EEF1AKMT2: variants seen among roughly 807,000 people sequenced by gnomAD.
EEF1AKMT2 encodes the protein EEF1A lysine methyltransferase 2.
In EEF1AKMT2, 32 loss-of-function variants were observed where a neutral mutation model predicts 35.8. The ratio of observed to expected loss-of-function variants is 0.89; its 90% CI spans 0.67 to 1.20. EEF1AKMT2 has a LOEUF of 1.20. EEF1AKMT2 is among the 50% of genes most tolerant of loss of function. EEF1AKMT2 has a pLI of 0.00. For synonymous variants in EEF1AKMT2, 121 were observed against 133.7 expected, an observed-to-expected ratio of 0.91 and a Z score of 0.65; for missense variants, 330 against 347.5, an observed-to-expected ratio of 0.95 and a Z score of 0.40.
chr10:124,789,241 G>T (rs951169028), intron 2 of EEF1AKMT2, 84 bp from the exon 3 acceptor site: 2 of 812,104 alleles, frequency 2.5e-6, no homozygotes, highest in Non-Finnish European at 3.9e-6. Context: ...TATACCATAT[G>T]CTCAAACTCT....
At chr10:124,762,157 G>A (rs899384374) in intron 6 of EEF1AKMT2, 143 bp downstream of exon 6, 20 of 512,944 alleles carry the variant, frequency 3.9e-5, no homozygotes, top group African/African-American at 3.9e-4. Context: ...AGCTACTAAC[G>A]CCAATGCGCC....
chr10:124,766,649 G>A (rs796460590), intron 4 of EEF1AKMT2, among the ~76,000 whole-genome samples: 2 of 152,236 alleles, frequency 1.3e-5, no homozygotes, highest in African/African-American at 4.8e-5. Context: ...ACTTAAAAAT[G>A]TATATATTAT....
At chr10:124,791,005 C>T (rs557762125) in intron 1 of EEF1AKMT2, among the ~76,000 whole-genome samples, 7 of 152,176 alleles carry the variant, frequency 4.6e-5, no homozygotes, top group African/African-American at 1.7e-4. Context: ...CCTTGTGCTC[C>T]GCCCGCCTCG....
intron 3 of EEF1AKMT2, among the ~76,000 whole-genome samples, chr10:124,785,246 C>CAAAAAAAA (rs35915292): frequency 1.1e-4 from 7 of 61,398 alleles, no homozygotes; most frequent in African/African-American, 2.2e-4. Context: ...GACTCCGTCT[C>CAAAAAAAA]AAAAAAAAAA....
intron 3 of EEF1AKMT2, among the ~76,000 whole-genome samples, chr10:124,778,197 TACAC>T (rs34968256): frequency 4.0e-4 from 60 of 150,344 alleles, no homozygotes; most frequent in African/African-American, 1.4e-3. Flanking sequence ...AGTCTATACA[TACAC>T]ACACACACAC....
intron 6 of EEF1AKMT2, among the ~76,000 whole-genome samples, chr10:124,760,869 G>C (rs965222853): frequency 1.2e-4 from 19 of 152,124 alleles, no homozygotes; most frequent in African/African-American, 4.6e-4. Context: ...GAGTTTTTTT[G>C]TTTGTTTGTT....
Position 124,786,175 on chromosome 10 carries a change from C to T in EEF1AKMT2, c.291+2868G>A, listed in dbSNP as rs369039158. Among the ~76,000 whole-genome samples the T allele has an allele frequency of 2.0e-5, 3 of 151,828 alleles. No homozygotes were observed. The East Asian group carries it at 5.8e-4, about 29-fold the overall frequency. On this transcript the variant is annotated intron_variant, in intron 3 of 6. Transcript: ENST00000368836. ...ATAACACAAGGGGTTCATTTTGTAC[C>T]ACTTATGCTCACCTTTCTACATAAA...
At chr10:124,777,279 C>CAA (rs768724237) in intron 3 of EEF1AKMT2, among the ~76,000 whole-genome samples, 5 of 62,778 alleles carry the variant, frequency 8.0e-5, no homozygotes, top group South Asian at 5.6e-4. Flanking sequence ...AACTCTGACT[C>CAA]AAAAAAAAAA....
chr10:124,781,981 A>G (rs1950543890), intron 3 of EEF1AKMT2, among the ~76,000 whole-genome samples: 1 of 152,302 alleles, frequency 6.6e-6, no homozygotes, highest in East Asian at 1.9e-4. Flanking sequence ...ATAGTGGTAA[A>G]ATACTGATTC....
At chr10:124,763,447 G>C (rs1019943652) in intron 5 of EEF1AKMT2, among the ~76,000 whole-genome samples, 3 of 152,168 alleles carry the variant, frequency 2.0e-5, no homozygotes, top group African/African-American at 7.2e-5. Context: ...TGAGTAGTCA[G>C]GAACAAGACC....
At chr10:124,789,683 A>G (rs1319420298) in intron 2 of EEF1AKMT2, among the ~76,000 whole-genome samples, 1 of 151,230 alleles carries the variant, frequency 6.6e-6, no homozygotes, top group African/African-American at 2.4e-5. Context: ...TGGGCCCAGG[A>G]GGTCCAGGAT....
At chr10:124,789,656 G>A (rs1950617197) in intron 2 of EEF1AKMT2, among the ~76,000 whole-genome samples, 1 of 151,666 alleles carries the variant, frequency 6.6e-6, no homozygotes, top group African/African-American at 2.4e-5. Flanking sequence ...CCAGGAGGCT[G>A]TGGCGGGAGG....
In EEF1AKMT2 at chr10:124,788,710, TTA is replaced by T. The variant is rs146577563; in HGVS notation, c.291+331_291+332del. Among the ~76,000 whole-genome samples the T allele has an allele frequency of 9.5e-3, 878 of 92,458 alleles. 69 individuals are homozygous for T. The highest frequency in any genetic ancestry group is 0.019 in the African/African-American group (570 of 29,720). 60.7% of individuals were successfully genotyped at this position (92,458 alleles called of 152,430 possible). A position where few individuals can be genotyped will look rare whatever the true frequency, so the allele number is the denominator to read the frequency against. ...CTACTGGAATTGCAAAAGGTCATCT[TTA>T]TATATATATATATATATGCATTTCT... is the stretch of plus-strand genomic sequence containing the variant. On this transcript the variant is annotated intron_variant, in intron 3 of 6. Transcript: ENST00000368836.
intron 4 of EEF1AKMT2, among the ~76,000 whole-genome samples, chr10:124,770,188 G>A (rs1950418553): frequency 6.6e-6 from 1 of 152,048 alleles, no homozygotes; most frequent in African/African-American, 2.4e-5. Flanking sequence ...AGGGGCCGAG[G>A]CGGGTGGATC....
intron 3 of EEF1AKMT2, among the ~76,000 whole-genome samples, chr10:124,785,767 G>A (rs907607219): frequency 2.0e-5 from 3 of 151,848 alleles, no homozygotes; most frequent in Non-Finnish European, 2.9e-5. Context: ...GTGCTGGCGC[G>A]CACCTGTAAT....
At chr10:124,778,364 T>A (rs1259396602) in intron 3 of EEF1AKMT2, among the ~76,000 whole-genome samples, 1 of 152,040 alleles carries the variant, frequency 6.6e-6, no homozygotes, top group Non-Finnish European at 1.5e-5. Context: ...AGAAACAGTA[T>A]AAATTCAAGG....
intron 3 of EEF1AKMT2, 71 bp from the exon 4 acceptor site, chr10:124,774,853 C>T (rs1192282448): frequency 7.6e-6 from 5 of 662,206 alleles, no homozygotes; most frequent in Non-Finnish European, 1.1e-5. Context: ...TTATAATATT[C>T]CTTTAGGACT....
intron 4 of EEF1AKMT2, among the ~76,000 whole-genome samples, chr10:124,767,721 C>T (rs925464949): frequency 1.3e-5 from 2 of 152,156 alleles, no homozygotes; most frequent in African/African-American, 4.8e-5. Context: ...CATAGTGGCT[C>T]ACACCTATAA....
chr10:124,782,564 A>G (rs1213347204), intron 3 of EEF1AKMT2, among the ~76,000 whole-genome samples: 1 of 138,954 alleles, frequency 7.2e-6, no homozygotes, highest in Non-Finnish European at 1.6e-5. Flanking sequence ...CCTGGGCGAC[A>G]GAGCGAGACT....
Sources: gnomAD v4.1 joint callset for allele counts (sites outside exome capture counted in the v4.1 genomes callset) on GRCh38, gnomAD v4.1.1 for gene constraint, MANE v1.5 for transcripts, NCBI Gene and HGNC (gene_info 2026-07-23, HGNC 2026-07-21) for gene names.